Variants in C12orf42 observed in about 807,000 individuals in gnomAD.
C12orf42 encodes the protein chromosome 12 open reading frame 42, also known as uncharacterized protein C12orf42.
In C12orf42, 25 loss-of-function variants were observed where a neutral mutation model predicts 21.6. The observed-to-expected ratio is 1.16, with a 90% confidence interval of 0.84 to 1.62. C12orf42 has a LOEUF of 1.62. Ranked by LOEUF, C12orf42 falls within the 40% of genes most tolerant of loss-of-function variation. The pLI, the probability that C12orf42 is intolerant of heterozygous loss-of-function variation, is 0.00. For missense variants in C12orf42, 483 were observed against 459.3 expected, an observed-to-expected ratio of 1.05 and a Z score of -0.47; for synonymous variants, 174 against 175.0, an observed-to-expected ratio of 0.99 and a Z score of 0.05.
At chr12:103,151,899 T>G in the C12orf42 span, 1 of 152,212 alleles carries the variant, frequency 6.6e-6, no homozygotes, top group Non-Finnish European at 1.5e-5. Flanking sequence ...GTTGTCTTAA[T>G]TGAAAGGCAG....
intron 2 of C12orf42, among the ~76,000 whole-genome samples, chr12:103,445,937 G>A (rs1167388626): frequency 5.3e-5 from 8 of 151,888 alleles, no homozygotes; most frequent in South Asian, 4.1e-4. Flanking sequence ...GGCAAGAGGC[G>A]AAAGTCAACT....
At chr12:103,111,671 G>A in the C12orf42 span, among the ~76,000 whole-genome samples, 5 of 152,152 alleles carry the variant, frequency 3.3e-5, no homozygotes, top group African/African-American at 1.2e-4. Context: ...ATACAAGACA[G>A]CATTAGTAGC....
the C12orf42 span, among the ~76,000 whole-genome samples, chr12:103,087,254 A>C: frequency 2.4e-4 from 37 of 152,316 alleles, 1 homozygote; most frequent in South Asian, 7.5e-3. Flanking sequence ...AAGCATGTTC[A>C]TTCCATTTTA....
chr12:103,131,378 CT>C, the C12orf42 span, among the ~76,000 whole-genome samples: 1 of 152,142 alleles, frequency 6.6e-6, no homozygotes, highest in East Asian at 1.9e-4. Context: ...CTATATTTCT[CT>C]AATCAATTGT....
chr12:103,117,232 C>T, the C12orf42 span, among the ~76,000 whole-genome samples: 1 of 152,078 alleles, frequency 6.6e-6, no homozygotes, highest in African/African-American at 2.4e-5. Context: ...TTCTAGTGTC[C>T]TCTGTTTTCC....
chr12:103,483,797 T>C (rs1350340514), intron 1 of C12orf42, among the ~76,000 whole-genome samples: 4 of 152,198 alleles, frequency 2.6e-5, no homozygotes, highest in African/African-American at 9.6e-5. Flanking sequence ...TTTCTCCTAA[T>C]GCTATCCCTC....
At chr12:103,221,417 GA>G in the C12orf42 span, among the ~76,000 whole-genome samples, 1 of 152,198 alleles carries the variant, frequency 6.6e-6, no homozygotes, top group East Asian at 1.9e-4. Context: ...TACTGTGCCA[GA>G]ATCAAGTCCA....
chr12:103,414,005 T>C (rs2049077978), intron 2 of C12orf42, among the ~76,000 whole-genome samples: 1 of 152,214 alleles, frequency 6.6e-6, no homozygotes, highest in Non-Finnish European at 1.5e-5. Context: ...TCTGGGTAGA[T>C]ACTCAGTAGT....
intron 3 of C12orf42, among the ~76,000 whole-genome samples, chr12:103,376,043 G>A (rs2045661173): frequency 6.6e-6 from 1 of 152,164 alleles, no homozygotes; most frequent in African/African-American, 2.4e-5. Context: ...ATTGCCTCAA[G>A]TTAGACAGAA....
At chr12:103,132,091 AT>A in the C12orf42 span, among the ~76,000 whole-genome samples, 1 of 152,186 alleles carries the variant, frequency 6.6e-6, no homozygotes, top group Non-Finnish European at 1.5e-5. Flanking sequence ...TTGAGGCAGA[AT>A]GGGGTGAATA....
chr12:103,101,466 T>C, the C12orf42 span, among the ~76,000 whole-genome samples: 1 of 152,170 alleles, frequency 6.6e-6, no homozygotes, highest in African/African-American at 2.4e-5. Flanking sequence ...TATTTAACAA[T>C]AGCCATTATC....
At chr12:103,409,317 G>A (rs1198433017) in intron 2 of C12orf42, among the ~76,000 whole-genome samples, 1 of 152,204 alleles carries the variant, frequency 6.6e-6, no homozygotes, top group Non-Finnish European at 1.5e-5. Context: ...GAGGTCAGAG[G>A]CCTGTCATGA....
At chr12:103,315,973 GAT>G (rs754001424) in intron 4 of C12orf42, among the ~76,000 whole-genome samples, 18 of 147,228 alleles carry the variant, frequency 1.2e-4, no homozygotes, top group Admixed American at 3.4e-4. Context: ...TCACACTATA[GAT>G]ATATATATAT....
the C12orf42 span, among the ~76,000 whole-genome samples, chr12:103,192,308 T>A: frequency 2.0e-5 from 3 of 151,902 alleles, no homozygotes; most frequent in South Asian, 6.2e-4. Context: ...ATCAAGACCA[T>A]CCTGGCCAAC....
intron 3 of C12orf42, among the ~76,000 whole-genome samples, chr12:103,389,818 G>A (rs17033810): frequency 0.061 from 9,241 of 152,218 alleles, 324 homozygotes; most frequent in East Asian, 0.15. Flanking sequence ...GGCAGCATGC[G>A]TTGTGTCAGC....
the C12orf42 span, among the ~76,000 whole-genome samples, chr12:103,107,228 A>G: frequency 1.3e-5 from 2 of 152,134 alleles, no homozygotes; most frequent in Non-Finnish European, 1.5e-5. Context: ...AATAATTTTT[A>G]TAAGTCACGA....
intron 4 of C12orf42, among the ~76,000 whole-genome samples, chr12:103,278,050 A>C (rs547708887): frequency 1.3e-5 from 2 of 152,186 alleles, no homozygotes; most frequent in Non-Finnish European, 2.9e-5. Flanking sequence ...TCAATATATT[A>C]AAAAAAGGAA....
the C12orf42 span, among the ~76,000 whole-genome samples, chr12:103,560,845 T>G: frequency 6.6e-6 from 1 of 152,208 alleles, no homozygotes; most frequent in Admixed American, 6.5e-5. Context: ...AAGTACACAG[T>G]ATATGGTGCC....
At chr12:103,550,318 G>A in the C12orf42 span, 1 of 151,936 alleles carries the variant, frequency 6.6e-6, no homozygotes, top group Non-Finnish European at 1.5e-5. Context: ...AGTTTTGAGT[G>A]GTAACTTTTC....
Sources: gnomAD v4.1 joint callset for allele counts (sites outside exome capture counted in the v4.1 genomes callset) on GRCh38, gnomAD v4.1.1 for gene constraint, MANE v1.5 for transcripts, NCBI Gene and HGNC (gene_info 2026-07-23, HGNC 2026-07-21) for gene names.